TAFA2: variants seen among roughly 807,000 people sequenced by gnomAD.
TAFA2 encodes the protein chemokine-like protein TAFA-2.
A neutral mutation model predicts 18.8 loss-of-function variants in TAFA2; 7 were observed. The observed-to-expected ratio is 0.37, with a 90% confidence interval of 0.21 to 0.70. The LOEUF is 0.70. Among genes scored for constraint, TAFA2 ranks in the 30% least tolerant of loss-of-function variants. The probability of loss-of-function intolerance (pLI) is 0.53; values close to 1 mark genes in which losing one functional copy is unlikely to be tolerated. For synonymous variants in TAFA2, 60 were observed against 54.2 expected (o/e 1.11, Z -0.47); for missense variants, 122 against 158.1 (o/e 0.77, Z 1.23).
At position 62,237,453 on chromosome 12, in the gene TAFA2, T is replaced by C. The variant is rs902741331; in HGVS notation, c.-130+21310A>G. Among the ~76,000 whole-genome samples the C allele has an allele frequency of 1.5e-4, 23 of 152,386 alleles. No homozygotes were observed. In the East Asian group the frequency reaches 4.2e-3, roughly 28 times the overall value. On this transcript the variant is annotated intron_variant, in intron 1 of 5. Transcript: ENST00000551619. ...TTATATATTGTTTTGCTGTGTTATC[T>C]TGGAATTCACTGAGTTTCCTTAAAA... is the stretch of plus-strand genomic sequence containing the variant.
intron 1 of TAFA2, among the ~76,000 whole-genome samples, chr12:62,045,913 T>C (rs920626007): frequency 6.6e-6 from 1 of 152,120 alleles, no homozygotes; most frequent in South Asian, 2.1e-4. Flanking sequence ...ACAAACTGCC[T>C]GCTGTAAGGA....
At chr12:62,005,712 T>A (rs1880524033) in intron 1 of TAFA2, among the ~76,000 whole-genome samples, 1 of 152,134 alleles carries the variant, frequency 6.6e-6, no homozygotes, top group East Asian at 1.9e-4. Flanking sequence ...AGGTTCCCTC[T>A]CTGTCATCCT....
chr12:61,769,159 A>G (rs921466894), intron 2 of TAFA2, among the ~76,000 whole-genome samples: 2 of 151,894 alleles, frequency 1.3e-5, no homozygotes, highest in African/African-American at 4.8e-5. Flanking sequence ...TGAGAACTAT[A>G]TCCTTATCCC....
chr12:61,847,594 G>A (rs1190386972), intron 2 of TAFA2, among the ~76,000 whole-genome samples: 2 of 152,108 alleles, frequency 1.3e-5, no homozygotes, highest in African/African-American at 2.4e-5. Flanking sequence ...TAACCTAAAA[G>A]GAGTGAATTT....
At chr12:62,228,256 C>G (rs1273350063) in intron 1 of TAFA2, among the ~76,000 whole-genome samples, 1 of 152,080 alleles carries the variant, frequency 6.6e-6, no homozygotes, top group African/African-American at 2.4e-5. Context: ...GAATGTTTAG[C>G]TCCCACTTAT....
rs192817217 is a variant in TAFA2, at chr12:61,831,253, C to A, written c.106+36067G>T. Reference sequence around the variant, plus strand: ...ACTTTCTTCTTCCTTGGTGCCTATGCCTTTAATCTTTGAAATTGCTGTCAT... The same window carrying A: ...ACTTTCTTCTTCCTTGGTGCCTATGACTTTAATCTTTGAAATTGCTGTCAT... On this transcript the variant is annotated intron_variant, in intron 2 of 4. Coordinates refer to ENST00000416284, the MANE Select transcript of TAFA2 (RefSeq NM_178539.5). 1.1e-4 allele frequency among the ~76,000 whole-genome samples: 16 copies of A among 152,076 alleles called. No individual in the cohort carries two copies. The South Asian group carries it at 1.2e-3, about 12-fold the overall frequency.
At chr12:61,914,139 C>T (rs1377870642) in intron 1 of TAFA2, among the ~76,000 whole-genome samples, 1 of 152,146 alleles carries the variant, frequency 6.6e-6, no homozygotes, top group African/African-American at 2.4e-5. Context: ...TCTCCCCACA[C>T]TTGTAGGTGA....
intron 4 of TAFA2, among the ~76,000 whole-genome samples, chr12:61,734,392 A>T (rs1210332157): frequency 1.3e-5 from 2 of 148,556 alleles, no homozygotes; most frequent in Non-Finnish European, 3.0e-5. Context: ...GAGGGATAGC[A>T]TTAGGAGATA....
At chr12:61,866,906 A>T (rs1207077436) in intron 2 of TAFA2, among the ~76,000 whole-genome samples, 12 of 150,426 alleles carry the variant, frequency 8.0e-5, no homozygotes, top group African/African-American at 2.7e-4. Flanking sequence ...TTATTTTTTT[A>T]TTTTTTTTTC....
intron 1 of TAFA2, among the ~76,000 whole-genome samples, chr12:62,090,478 C>G (rs900123826): frequency 1.3e-5 from 2 of 152,032 alleles, no homozygotes; most frequent in African/African-American, 2.4e-5. Flanking sequence ...CTAAACAGAA[C>G]AGTTGGCATC....
intron 1 of TAFA2, 33 bp from the exon 2 acceptor site, chr12:61,867,459 A>G: frequency 7.8e-7 from 1 of 1,283,562 alleles, no homozygotes; most frequent in Non-Finnish European, 1.1e-6. Context: ...AATCATAAGT[A>G]TGCAAATTCA....
At chr12:62,110,974 T>C (rs182170286) in intron 1 of TAFA2, among the ~76,000 whole-genome samples, 26 of 152,202 alleles carry the variant, frequency 1.7e-4, no homozygotes, top group African/African-American at 5.3e-4. Context: ...GGGTTTTTTG[T>C]GTCTGTATTC....
intron 1 of TAFA2, among the ~76,000 whole-genome samples, chr12:61,994,324 A>G (rs1318647358): frequency 3.3e-5 from 5 of 152,150 alleles, no homozygotes; most frequent in African/African-American, 7.2e-5. Flanking sequence ...CTGAGAAAAT[A>G]TCACTATCTT....
chr12:61,843,611 T>C (rs530597373), intron 2 of TAFA2, among the ~76,000 whole-genome samples: 86 of 152,238 alleles, frequency 5.6e-4, no homozygotes, highest in African/African-American at 1.9e-3. Flanking sequence ...TCTGCAAATA[T>C]TTAAATGTCC....
At chr12:61,828,343 G>T (rs1698190398) in intron 2 of TAFA2, among the ~76,000 whole-genome samples, 1 of 151,780 alleles carries the variant, frequency 6.6e-6, no homozygotes, top group South Asian at 2.1e-4. Flanking sequence ...ACAAATTCAA[G>T]AATCGTAAAA....
chr12:62,165,670 C>T (rs1365869524), intron 1 of TAFA2, among the ~76,000 whole-genome samples: 2 of 151,988 alleles, frequency 1.3e-5, no homozygotes. Context: ...TTTCCTCACC[C>T]TTCGTAAGTA....
chr12:61,920,835 T>G (rs1877020420), intron 1 of TAFA2, among the ~76,000 whole-genome samples: 1 of 151,586 alleles, frequency 6.6e-6, no homozygotes, highest in South Asian at 2.1e-4. Flanking sequence ...CATATGGTAA[T>G]GCTAAGATGC....
intron 4 of TAFA2, among the ~76,000 whole-genome samples, chr12:61,750,965 C>T (rs12818949): frequency 0.1 from 15,754 of 152,008 alleles, 1,054 homozygotes; most frequent in East Asian, 0.2. Context: ...CTTTTTGGCT[C>T]ATGGTGATCA....
intron 1 of TAFA2, among the ~76,000 whole-genome samples, chr12:62,090,795 A>G (rs1868679385): frequency 6.6e-6 from 1 of 152,062 alleles, no homozygotes; most frequent in Non-Finnish European, 1.5e-5. Flanking sequence ...GAACAAAAGT[A>G]TCTCTCTTCT....
Sources: gnomAD v4.1 joint callset for allele counts (sites outside exome capture counted in the v4.1 genomes callset) on GRCh38, gnomAD v4.1.1 for gene constraint, MANE v1.5 for transcripts, NCBI Gene and HGNC (gene_info 2026-07-23, HGNC 2026-07-21) for gene names.